ERC2: variants seen among roughly 807,000 people sequenced by gnomAD.
ERC2 encodes the protein ELKS/RAB6-interacting/CAST family member 2, also known as ERC protein 2.
Under a neutral mutation model 114.8 loss-of-function variants are expected in ERC2, and 42 were observed. The observed-to-expected ratio is 0.37, with a 90% CI of 0.29 to 0.47. The LOEUF (loss-of-function observed/expected upper bound fraction) is 0.47, where lower values mean the gene tolerates loss of function less well. ERC2 is among the 20% of genes least tolerant of loss of function. The pLI is 0.99. For missense variants in ERC2, 939 were observed against 1,150.7 expected (o/e 0.82, Z 2.66); for synonymous variants, 454 against 425.5 (o/e 1.07, Z -0.82).
At chr3:55,871,418 T>C (rs2062578224) in intron 14 of ERC2, among the ~76,000 whole-genome samples, 1 of 152,164 alleles carries the variant, frequency 6.6e-6, no homozygotes, top group Non-Finnish European at 1.5e-5. Flanking sequence ...GATTCAGGTG[T>C]TTAATTTCCC....
chr3:56,318,931 C>T (rs2056996324), intron 2 of ERC2, among the ~76,000 whole-genome samples: 1 of 142,466 alleles, frequency 7.0e-6, no homozygotes, highest in Non-Finnish European at 1.5e-5. Flanking sequence ...CACTGTACTC[C>T]AGCCTGGGTG....
chr3:56,139,038 G>C (rs1398907175), intron 6 of ERC2, among the ~76,000 whole-genome samples: 1 of 152,136 alleles, frequency 6.6e-6, no homozygotes, highest in Non-Finnish European at 1.5e-5. Context: ...CCCATACAGA[G>C]GATGCACAGC....
At chr3:55,980,824 C>T (rs1368378520) in intron 12 of ERC2, among the ~76,000 whole-genome samples, 1 of 151,828 alleles carries the variant, frequency 6.6e-6, no homozygotes, top group Non-Finnish European at 1.5e-5. Flanking sequence ...ACTTATAAGG[C>T]CTACCTGGGG....
intron 5 of ERC2, among the ~76,000 whole-genome samples, chr3:56,148,294 T>C (rs2081248478): frequency 6.7e-6 from 1 of 149,640 alleles, no homozygotes; most frequent in Admixed American, 6.6e-5. Context: ...CTTAATAACT[T>C]TTTTTTTTTG....
At chr3:55,904,431 A>G (rs1000907643) in intron 13 of ERC2, among the ~76,000 whole-genome samples, 3 of 152,170 alleles carry the variant, frequency 2.0e-5, no homozygotes, top group Non-Finnish European at 2.9e-5. Flanking sequence ...TCCAAACTAA[A>G]TTTCATCTGA....
rs149318204 is a variant in ERC2, at chr3:55,767,379, C to T, written c.2565-32461G>A. Among the ~76,000 whole-genome samples the T allele has an allele frequency of 4.3e-3, 655 of 152,298 alleles. 1 individual carries two copies. Among genetic ancestry groups the T allele is most frequent in the Middle Eastern group, 0.014 (4 of 294 alleles). On this transcript the variant is annotated intron_variant, in intron 14 of 17. Transcript: ENST00000288221. ...ATGTTCTCAAAGACCCCAGAGGCTT[C>T]GGCAAGGCCACCTATTCAGTTTCCA...
At chr3:55,824,374 A>G (rs1209362401) in intron 14 of ERC2, among the ~76,000 whole-genome samples, 2 of 152,186 alleles carry the variant, frequency 1.3e-5, no homozygotes, top group East Asian at 3.9e-4. Flanking sequence ...CCCATGTCAG[A>G]ACAGAGACTC....
At chr3:55,702,399 G>A (rs187686799) in intron 15 of ERC2, among the ~76,000 whole-genome samples, 4 of 152,314 alleles carry the variant, frequency 2.6e-5, no homozygotes, top group East Asian at 1.9e-4. Context: ...ACTCTAGACC[G>A]TTTTTATTTA....
At chr3:56,040,116 G>A (rs1006135971) in intron 7 of ERC2, among the ~76,000 whole-genome samples, 6 of 151,922 alleles carry the variant, frequency 3.9e-5, no homozygotes, top group African/African-American at 7.2e-5. Flanking sequence ...ACCCCAAAAC[G>A]GGTAGCAAAG....
intron 14 of ERC2, among the ~76,000 whole-genome samples, chr3:55,844,200 CT>C (rs2061256600): frequency 1.3e-5 from 2 of 152,150 alleles, no homozygotes. Context: ...TGCCTTTCTA[CT>C]CCTTGGTATA....
chr3:56,257,040 A>C (rs781422081), intron 3 of ERC2, among the ~76,000 whole-genome samples: 1 of 152,186 alleles, frequency 6.6e-6, no homozygotes, highest in African/African-American at 2.4e-5. Flanking sequence ...ACCAGCTTCC[A>C]TATCTTTTAA....
chr3:55,707,610 T>A (rs537354793), intron 15 of ERC2, among the ~76,000 whole-genome samples: 1 of 152,244 alleles, frequency 6.6e-6, no homozygotes, highest in East Asian at 1.9e-4. Flanking sequence ...CTGCTCATAA[T>A]GTTAGGATCC....
chr3:56,381,502 C>G (rs970442451), intron 2 of ERC2, among the ~76,000 whole-genome samples: 2 of 152,072 alleles, frequency 1.3e-5, no homozygotes, highest in Non-Finnish European at 2.9e-5. Flanking sequence ...AGTGGATCCT[C>G]ACAGTTCAAA....
At chr3:55,860,527 G>A (rs890609724) in intron 14 of ERC2, among the ~76,000 whole-genome samples, 4 of 151,934 alleles carry the variant, frequency 2.6e-5, no homozygotes, top group Non-Finnish European at 4.4e-5. Context: ...GCATAATTAG[G>A]GCCCTCTAAA....
At chr3:56,433,190 AAAAGAGAGAG>A (rs1171101997) in intron 2 of ERC2, among the ~76,000 whole-genome samples, 2,605 of 19,050 alleles carry the variant, frequency 0.14, 31 homozygotes, top group South Asian at 0.35. Flanking sequence ...AAAAAAAAAA[AAAAGAGAGAG>A]AGAGAGAGAG....
intron 2 of ERC2, among the ~76,000 whole-genome samples, chr3:56,380,614 T>G (rs1034398224): frequency 1.3e-5 from 2 of 152,214 alleles, no homozygotes; most frequent in Non-Finnish European, 2.9e-5. Context: ...TACATACTTA[T>G]GGAGAACGAG....
chr3:55,839,756 C>A (rs1315244037), intron 14 of ERC2, among the ~76,000 whole-genome samples: 1 of 151,642 alleles, frequency 6.6e-6, no homozygotes, highest in Non-Finnish European at 1.5e-5. Context: ...TAATCCAAAT[C>A]AAGACAGTAA....
At chr3:55,977,152 A>G (rs1288329218) in intron 12 of ERC2, among the ~76,000 whole-genome samples, 2 of 152,228 alleles carry the variant, frequency 1.3e-5, no homozygotes, top group Admixed American at 1.3e-4. Context: ...TTGTTATAGC[A>G]GCCTGAACAG....
chr3:56,085,414 GGGA>G (rs2077452762), intron 6 of ERC2, among the ~76,000 whole-genome samples: 3 of 152,184 alleles, frequency 2.0e-5, no homozygotes, highest in Admixed American at 2.0e-4. Context: ...TCTGTGACTG[GGGA>G]GGAGAACGGC....
Sources: allele counts gnomAD v4.1 joint callset (sites outside exome capture counted in the v4.1 genomes callset), GRCh38; gene constraint gnomAD v4.1.1; transcripts MANE v1.5; gene names NCBI Gene and HGNC (gene_info 2026-07-23, HGNC 2026-07-21).